Variants in UCHL5 observed in about 807,000 individuals in gnomAD.
The protein encoded by UCHL5 is ubiquitin carboxyl-terminal hydrolase isozyme L5.
In UCHL5, 34 loss-of-function variants were observed where a neutral mutation model predicts 53.8. The observed-to-expected ratio is 0.63, with a 90% CI of 0.48 to 0.84. The LOEUF (loss-of-function observed/expected upper bound fraction) is 0.84, where lower values mean the gene tolerates loss of function less well. Among genes scored for constraint, UCHL5 ranks in the 40% least tolerant of loss-of-function variants. The probability of loss-of-function intolerance (pLI) is 0.00; values close to 1 mark genes in which losing one functional copy is unlikely to be tolerated. For missense variants in UCHL5, 290 were observed against 385.6 expected (o/e 0.75, Z 2.08); for synonymous variants, 111 against 126.3 (o/e 0.88, Z 0.81).
intron 9 of UCHL5, among the ~76,000 whole-genome samples, chr1:193,022,134 C>T (rs1269395851): frequency 6.6e-6 from 1 of 151,784 alleles, no homozygotes; most frequent in African/African-American, 2.4e-5. Context: ...CCCTTTTTCC[C>T]GCCTGGAATA....
At chr1:193,056,454 T>C (rs1485074224) in intron 1 of UCHL5, among the ~76,000 whole-genome samples, 1 of 152,186 alleles carries the variant, frequency 6.6e-6, no homozygotes, top group Non-Finnish European at 1.5e-5. Flanking sequence ...TGGTTTGTTG[T>C]AAGAAAAATG....
chr1:193,034,745 T>C (rs547052855), intron 3 of UCHL5, among the ~76,000 whole-genome samples: 4 of 152,186 alleles, frequency 2.6e-5, no homozygotes, highest in African/African-American at 9.6e-5. Context: ...GAATACACCC[T>C]GACCAAGTGG....
chr1:193,044,120 T>C (rs557508014), intron 3 of UCHL5, among the ~76,000 whole-genome samples: 4 of 152,222 alleles, frequency 2.6e-5, no homozygotes, highest in Non-Finnish European at 4.4e-5. Flanking sequence ...AGGGTAGTTT[T>C]GTGGACAGTT....
At chr1:193,022,786 G>T in intron 9 of UCHL5, 140 bp downstream of exon 9, 1 of 257,014 alleles carries the variant, frequency 3.9e-6, no homozygotes, top group Admixed American at 9.4e-5. Context: ...ACTTATCTTT[G>T]TAGTGATAAG....
At chr1:193,036,317 C>CAGAAAAAA (rs1663402002) in intron 3 of UCHL5, among the ~76,000 whole-genome samples, 1 of 50,796 alleles carries the variant, frequency 2.0e-5, no homozygotes, top group African/African-American at 8.9e-5. Flanking sequence ...AACTGGAAAC[C>CAGAAAAAA]AAAAAAAAAA....
intron 10 of UCHL5, chr1:193,018,684 T>TAGGCA (rs1385394853): frequency 1.3e-5 from 17 of 1,304,196 alleles, no homozygotes; most frequent in Non-Finnish European, 1.7e-5. Flanking sequence ...TCACAGATTA[T>TAGGCA]AGGCAACTGC....
upstream of UCHL5, chr1:193,059,549 G>C (rs771274393): frequency 1.3e-6 from 2 of 1,540,594 alleles, no homozygotes; most frequent in South Asian, 1.1e-5. This position sits in a 1 kb window ranked among gnomAD's most constrained non-coding sequence, Gnocchi z 4.9. Flanking sequence ...ACAGCGCCGA[G>C]GAGGCAACAT....
At chr1:193,048,524 T>G (rs917957184) in intron 3 of UCHL5, among the ~76,000 whole-genome samples, 1 of 152,222 alleles carries the variant, frequency 6.6e-6, no homozygotes, top group African/African-American at 2.4e-5. Flanking sequence ...GTACAAATTT[T>G]ACATTACAAC....
Position 193,014,042 on chromosome 1 carries a change from T to C in UCHL5, c.*2309A>G, listed in dbSNP as rs1421270931. On this transcript the variant is annotated 3_prime_UTR_variant, in exon 11 of 11. Coordinates refer to ENST00000367454, the MANE Select transcript of UCHL5 (RefSeq NM_001199261.3). ...AATGGAAGCGACTTCACCTACCCAA[T>C]AATTAAATAAAATTTTAGAAAAGAC... 3 of 152,160 alleles carry C rather than the reference T, an allele frequency of 2.0e-5. No individual in the cohort carries two copies. Among genetic ancestry groups the C allele is most frequent in the African/African-American group, 7.2e-5 (3 of 41,438 alleles). 9.4% of individuals were successfully genotyped at this position (152,160 alleles called of 1,614,324 possible). A position where few individuals can be genotyped will look rare whatever the true frequency, so the allele number is the denominator to read the frequency against.
chr1:193,037,454 A>C (rs1412382697), intron 3 of UCHL5, among the ~76,000 whole-genome samples: 1 of 152,172 alleles, frequency 6.6e-6, no homozygotes, highest in African/African-American at 2.4e-5. Flanking sequence ...AAAAAATCTA[A>C]AGAATCTAAT....
rs960496083 is a variant in UCHL5 at position 193,036,317 on chromosome 1, C to CAAA, written c.247-6663_247-6661dup. Among the ~76,000 whole-genome samples, 158 of 50,818 alleles carry CAAA rather than the reference C, an allele frequency of 3.1e-3. 1 individual carries two copies. The highest frequency in any genetic ancestry group is 9.1e-3 in the African/African-American group (102 of 11,236). 33.3% of individuals were successfully genotyped at this position (50,818 alleles called of 152,430 possible). Reference sequence around the variant, plus strand: ...GAAGATATTCTGTGCAACTGGAAACCAAAAAAAAAAAAAAAAAAAAAAAAA... The same window carrying CAAA: ...GAAGATATTCTGTGCAACTGGAAACCAAAAAAAAAAAAAAAAAAAAAAAAAAAA... On this transcript the variant is annotated intron_variant, in intron 3 of 10. Transcript: ENST00000367454.
chr1:193,059,479 C>A (rs771708450), upstream of UCHL5: 1 of 1,606,324 alleles, frequency 6.2e-7, no homozygotes, highest in Admixed American at 1.7e-5. This position sits in a 1 kb window ranked among gnomAD's most constrained non-coding sequence, Gnocchi z 4.9. Context: ...CTTCCCAGGC[C>A]TTGCAGCACC....
chr1:193,037,060 A>T lies in UCHL5; in HGVS notation c.247-7403T>A, dbSNP rs142424735. ...CAAAAAAGTAGAAAGACTCCAAATA[A>T]ACCACCTAATTATATACCCCAAGGA... On this transcript the variant is annotated intron_variant, in intron 3 of 10. Coordinates refer to ENST00000367454, the MANE Select transcript of UCHL5 (RefSeq NM_001199261.3). Among the ~76,000 whole-genome samples, 1,083 of 152,070 alleles carry T rather than the reference A, an allele frequency of 7.1e-3. 15 individuals carry two copies. Among genetic ancestry groups the T allele is most frequent in the African/African-American group, 0.025 (1,030 of 41,536 alleles).
chr1:193,016,367 G>A lies in UCHL5; in HGVS notation c.971C>T (p.Ala324Val). ...KAKEKQNAKK[A>V]QETK Reference sequence around the variant, plus strand: ...AAAACATCTTCATTTGGTTTCCTGAGCTTTCTTTGCGTTCTGTTTTTCTTT... The same window carrying A: ...AAAACATCTTCATTTGGTTTCCTGAACTTTCTTTGCGTTCTGTTTTTCTTT... The change falls in exon 11 of 11, where the codon GCT becomes GTT. Residue 324 changes from alanine (A) to valine (V), a missense_variant. Physicochemically the swap from Ala to Val is moderately conservative, Grantham distance 64 (BLOSUM62 0). Transcript: ENST00000367454. 6.2e-7 allele frequency: 1 copy of A among 1,603,350 alleles called. No homozygotes were observed. Among genetic ancestry groups the A allele is most frequent in the Non-Finnish European group, 8.5e-7 (1 of 1,176,796 alleles).
chr1:193,032,298 T>C (rs1661715170), intron 3 of UCHL5, among the ~76,000 whole-genome samples: 1 of 152,170 alleles, frequency 6.6e-6, no homozygotes, highest in Non-Finnish European at 1.5e-5. Context: ...ATTTAATAAA[T>C]GGTATTGGGA....
chr1:193,036,964 G>T (rs1426942772), intron 3 of UCHL5, among the ~76,000 whole-genome samples: 1 of 151,602 alleles, frequency 6.6e-6, no homozygotes, highest in African/African-American at 2.4e-5. Flanking sequence ...AATAAAAATG[G>T]AAATACAGCA....
intron 9 of UCHL5, among the ~76,000 whole-genome samples, chr1:193,021,957 A>C (rs1157982563): frequency 6.6e-6 from 1 of 152,194 alleles, no homozygotes; most frequent in Admixed American, 6.6e-5. Flanking sequence ...GAAGTTATGG[A>C]AACTTTGTGT....
chr1:193,046,136 A>G (rs1373527178), intron 3 of UCHL5, among the ~76,000 whole-genome samples: 2 of 152,066 alleles, frequency 1.3e-5, no homozygotes, highest in Non-Finnish European at 2.9e-5. Context: ...GGCTCAGGCA[A>G]TCCTCCCACC....
intron 3 of UCHL5, among the ~76,000 whole-genome samples, chr1:193,035,984 C>T (rs569685887): frequency 1.7e-3 from 255 of 151,730 alleles, no homozygotes; most frequent in African/African-American, 5.9e-3. Context: ...ATGCAAAAAC[C>T]TGTAATAGAT....
Sources: gnomAD v4.1 joint callset for allele counts (sites outside exome capture counted in the v4.1 genomes callset) on GRCh38, gnomAD v4.1.1 for gene constraint, Gnocchi (gnomAD v3.1) non-coding constraint, MANE v1.5 for transcripts, NCBI Gene and HGNC (gene_info 2026-07-23, HGNC 2026-07-21) for gene names.